The following ADGRG3 variants were observed in gnomAD, a reference collection of about 807,000 sequenced individuals.
The protein encoded by ADGRG3 is G protein-coupled receptor 97.
A neutral mutation model predicts 54.3 loss-of-function variants in ADGRG3; 39 were observed. That is an observed-to-expected ratio of 0.72 (90% CI 0.56 to 0.94). The LOEUF (loss-of-function observed/expected upper bound fraction) is 0.94. ADGRG3 is among the 40% of genes least tolerant of loss of function. ADGRG3 has a pLI of 0.00. For synonymous variants in ADGRG3, 312 were observed against 290.0 expected (o/e 1.08, Z -0.77); for missense variants, 654 against 694.6 (o/e 0.94, Z 0.66).
intron 4 of ADGRG3, chr16:57,678,919 G>A: frequency 1.8e-6 from 1 of 541,178 alleles, no homozygotes; most frequent in Non-Finnish European, 3.3e-6. Flanking sequence ...GAGGGCAGAG[G>A]AGCTCTGGAG....
upstream of ADGRG3, among the ~76,000 whole-genome samples, chr16:57,667,865 C>G (rs188348762): frequency 2.0e-5 from 3 of 152,374 alleles, no homozygotes; most frequent in Admixed American, 6.5e-5. Flanking sequence ...CAGGTCTCAT[C>G]AAACCCTGAC....
At position 57,679,274 on chromosome 16, in the gene ADGRG3, C is replaced by T. The variant is rs145019586; in HGVS notation, c.590C>T (p.Pro197Leu). 8.6e-4 allele frequency: 1,389 copies of T among 1,614,020 alleles called. 13 individuals carry two copies. In the African/African-American group the frequency reaches 0.016, roughly 18 times the overall value. ...ATGCATGTCACCAAGCTGGCTGAGC[C>T]TCTGGAGATCGTCTTCTCTCACCAG... ...GQMHVTKLAE[P>L]LEIVFSHQRP... Residue 197 changes from proline to leucine, a missense_variant, in exon 5 of 12, where the codon CCT becomes CTT. Pro to Leu is a moderately conservative substitution (Grantham distance 98). Transcript: ENST00000333493.
intron 11 of ADGRG3, 56 bp downstream of exon 11, chr16:57,685,982 T>C: frequency 6.4e-7 from 1 of 1,562,422 alleles, no homozygotes; most frequent in South Asian, 1.1e-5. Context: ...CAGGAGGTAT[T>C]GGGAGGTGGG....
At chr16:57,677,574 C>T (rs1173320821) in intron 3 of ADGRG3, among the ~76,000 whole-genome samples, 3 of 152,136 alleles carry the variant, frequency 2.0e-5, no homozygotes, top group Non-Finnish European at 4.4e-5. Flanking sequence ...AAGAATGAGA[C>T]TCCATCTCAA....
At position 57,668,369 on chromosome 16, in the gene ADGRG3, G is replaced by T; in HGVS notation, c.22G>T (p.Gly8Trp). The T allele has an allele frequency of 6.3e-7, 1 of 1,575,668 alleles. No individual in the cohort carries two copies. The highest frequency in any genetic ancestry group is 2.3e-5 in the East Asian group (1 of 43,926). MATPRGL[G>W]ALLLLLLLPT... ...AAGGATGGCGACGCCCAGGGGCCTG[G>T]GGGCCCTGCTCCTGCTCCTCCTGCT... Residue 8 changes from glycine to tryptophan, a missense_variant, in exon 1 of 12, where the codon GGG (glycine) becomes TGG (tryptophan). Transcript: ENST00000333493.
chr16:57,682,581 G>A, intron 8 of ADGRG3: 1 of 985,482 alleles, frequency 1.0e-6, no homozygotes, highest in Non-Finnish European at 1.2e-6. Flanking sequence ...TGGAGCGCCA[G>A]GAGAAATTAC....
chr16:57,679,435 AG>A, intron 5 of ADGRG3, 124 bp downstream of exon 5: 1 of 1,063,286 alleles, frequency 9.4e-7, no homozygotes, highest in Non-Finnish European at 1.4e-6. Context: ...GTCGCCCAGG[AG>A]GAGCCATTAG....
Position 57,678,254 on chromosome 16 carries a change from A to C in ADGRG3, c.430A>C (p.Asn144His). 6.2e-7 allele frequency: 1 copy of C among 1,614,180 alleles called. No homozygotes were observed. The highest frequency in any genetic ancestry group is 8.5e-7 in the Non-Finnish European group (1 of 1,180,028). ...PKSLFRSLPG[N>H]RSVVRLAVTI... ...GAGCCTTTTTCGATCCCTGCCAGGC[A>C]ACAGGTCTGTGGTCCGCTTGGCCGT... is the stretch of plus-strand genomic sequence containing the variant. The change falls in exon 4 of 12, where the codon AAC becomes CAC. Residue 144 changes from asparagine to histidine, a missense_variant. Coordinates refer to ENST00000333493, the MANE Select transcript of ADGRG3 (RefSeq NM_170776.5).
chr16:57,680,781 A>C (rs896110735), intron 8 of ADGRG3, among the ~76,000 whole-genome samples, 164 bp downstream of exon 8: 1 of 152,248 alleles, frequency 6.6e-6, no homozygotes, highest in Non-Finnish European at 1.5e-5. Context: ...TGTCAGAGCT[A>C]TTTCAGGAGC....
chr16:57,668,494 G>A (rs747426889), intron 1 of ADGRG3, 89 bp downstream of exon 1: 3 of 1,255,064 alleles, frequency 2.4e-6, no homozygotes, highest in South Asian at 2.6e-5. Flanking sequence ...GCAGGGACTG[G>A]AGAAGGTGAG....
intron 10 of ADGRG3, 50 bp downstream of exon 10, chr16:57,684,533 A>C: frequency 7.4e-7 from 1 of 1,360,214 alleles, no homozygotes; most frequent in Non-Finnish European, 1.0e-6. Flanking sequence ...CCGGCTACAC[A>C]TATTGGGGCT....
chr16:57,675,033 C>CAGG (rs2048237164), intron 2 of ADGRG3, among the ~76,000 whole-genome samples: 1 of 145,964 alleles, frequency 6.9e-6, no homozygotes, highest in Non-Finnish European at 1.5e-5. Flanking sequence ...GCAGCAGCAG[C>CAGG]AGCATCTTGT....
chr16:57,679,305 G>T lies in ADGRG3; in HGVS notation c.621G>T (p.Pro207=), dbSNP rs571437320. 1 of 1,613,658 alleles carries T rather than the reference G, an allele frequency of 6.2e-7. No individual in the cohort carries two copies. Among genetic ancestry groups the T allele is most frequent in the Non-Finnish European group, 8.5e-7 (1 of 1,179,842 alleles). ...AGATCGTCTTCTCTCACCAGCGACCGCCCCCTGTGAGTCCCCTGCTCAGGC... is the reference window on the plus strand; with the variant it reads ...AGATCGTCTTCTCTCACCAGCGACCTCCCCCTGTGAGTCCCCTGCTCAGGC... ...PLEIVFSHQR[P]PPNMTLTCVF... The change falls in exon 5 of 12, where the codon CCG becomes CCT. Residue 207 remains proline (P), a synonymous_variant. Transcript: ENST00000333493.
intron 5 of ADGRG3, 108 bp from the exon 6 acceptor site, chr16:57,679,708 A>G (rs2048328278): frequency 1.1e-6 from 1 of 873,752 alleles, no homozygotes; most frequent in African/African-American, 1.6e-5. Flanking sequence ...CTTTCTACCT[A>G]ATGCACACTC....
chr16:57,685,976 A>G (rs1294164263), intron 11 of ADGRG3, 50 bp downstream of exon 11: 1 of 1,570,026 alleles, frequency 6.4e-7, no homozygotes, highest in South Asian at 1.1e-5. Context: ...CTGTCCCAGG[A>G]GGTATTGGGA....
intron 2 of ADGRG3, chr16:57,674,581 A>T (rs1296700309): frequency 2.2e-6 from 1 of 455,386 alleles, no homozygotes; most frequent in East Asian, 7.0e-5. Flanking sequence ...TTCCATTCCC[A>T]CCTGCAGGTG....
chr16:57,671,807 C>T (rs1334782421), intron 1 of ADGRG3, among the ~76,000 whole-genome samples: 2 of 152,014 alleles, frequency 1.3e-5, no homozygotes, highest in African/African-American at 4.8e-5. Flanking sequence ...TGTTGCAATG[C>T]CCATGGAATG....
chr16:57,674,088 G>A (rs574055421), intron 2 of ADGRG3, among the ~76,000 whole-genome samples: 19 of 152,094 alleles, frequency 1.2e-4, no homozygotes, highest in Admixed American at 8.5e-4. Context: ...TATTTTAAGC[G>A]CAGGGAGAGT....
intron 9 of ADGRG3, 45 bp from the exon 10 acceptor site, chr16:57,684,345 G>A (rs2048432516): frequency 6.3e-7 from 1 of 1,577,792 alleles, no homozygotes; most frequent in South Asian, 1.1e-5. Flanking sequence ...AGGAGGAAGT[G>A]CCAGTAAGCC....
Sources: gnomAD v4.1 joint callset for allele counts (sites outside exome capture counted in the v4.1 genomes callset) on GRCh38, gnomAD v4.1.1 for gene constraint, MANE v1.5 for transcripts, NCBI Gene and HGNC (gene_info 2026-07-23, HGNC 2026-07-21) for gene names.